URGCP: variants seen among roughly 807,000 people sequenced by gnomAD.
URGCP encodes the protein up-regulator of cell proliferation.
In URGCP, 13 loss-of-function variants were observed where a neutral mutation model predicts 24.6. That is an observed-to-expected ratio of 0.53 (90% CI 0.34 to 0.84). The LOEUF (loss-of-function observed/expected upper bound fraction) is 0.84. Among genes scored for constraint, URGCP ranks in the 40% least tolerant of loss-of-function variants. URGCP has a pLI of 0.01. For synonymous variants in URGCP, 444 were observed against 487.2 expected, an observed-to-expected ratio of 0.91 and a Z score of 1.17; for missense variants, 899 against 1,194.3, an observed-to-expected ratio of 0.75 and a Z score of 3.64.
At chr7:43,894,297 ACT>A (rs2095875222) in intron 1 of URGCP, among the ~76,000 whole-genome samples, 1 of 152,072 alleles carries the variant, frequency 6.6e-6, no homozygotes, top group Non-Finnish European at 1.5e-5. Context: ...CACACAGAAC[ACT>A]CTCCAGGATA....
At chr7:43,914,447 G>A (rs1478072838) in intron 1 of URGCP, among the ~76,000 whole-genome samples, 1 of 152,190 alleles carries the variant, frequency 6.6e-6, no homozygotes, top group Non-Finnish European at 1.5e-5. Context: ...GGAGGTTGCA[G>A]TGAGCCAAGA....
intron 5 of URGCP, 65 bp from the exon 6 acceptor site, chr7:43,879,325 C>G: frequency 6.6e-7 from 1 of 1,520,106 alleles, no homozygotes; most frequent in Non-Finnish European, 8.8e-7. Flanking sequence ...CAGGGAAGAG[C>G]TGGTGAAGGA....
At chr7:43,898,906 C>T (rs950201221) in intron 1 of URGCP, among the ~76,000 whole-genome samples, 21 of 147,188 alleles carry the variant, frequency 1.4e-4, no homozygotes, top group Non-Finnish European at 2.4e-4. Context: ...GAGGCCAAGG[C>T]AGGCAGATTA....
intron 1 of URGCP, among the ~76,000 whole-genome samples, chr7:43,916,413 G>T (rs1249539725): frequency 1.3e-5 from 2 of 152,130 alleles, no homozygotes; most frequent in African/African-American, 4.8e-5. Context: ...GCTTGGTAAG[G>T]AGTCCATGCA....
At chr7:43,922,425 G>A (rs139415746) in intron 1 of URGCP, among the ~76,000 whole-genome samples, 1 of 152,258 alleles carries the variant, frequency 6.6e-6, no homozygotes, top group East Asian at 1.9e-4. Context: ...TTTTATAGTC[G>A]CACCAGAATG....
intron 1 of URGCP, among the ~76,000 whole-genome samples, chr7:43,916,692 A>G (rs1183194218): frequency 1.4e-5 from 2 of 147,672 alleles, no homozygotes; most frequent in Non-Finnish European, 3.0e-5. Context: ...GTAAGAGCAG[A>G]TAATCCCACT....
chr7:43,912,140 A>C (rs1471146393), intron 1 of URGCP, among the ~76,000 whole-genome samples: 1 of 152,174 alleles, frequency 6.6e-6, no homozygotes, highest in Non-Finnish European at 1.5e-5. Context: ...CTATACCTTA[A>C]AGAAAAAGAA....
chr7:43,891,491 A>G (rs1250120425), intron 1 of URGCP, among the ~76,000 whole-genome samples: 3 of 152,168 alleles, frequency 2.0e-5, no homozygotes, highest in African/African-American at 7.2e-5. Flanking sequence ...CTCCTGCGTA[A>G]ATAAGTCACA....
chr7:43,905,561 A>AGGAGGCCTC lies in URGCP; in HGVS notation c.14+1000_14+1001insGAGGCCTCC, dbSNP rs1278597910. 3.8e-4 allele frequency: 58 copies of AGGAGGCCTC among 152,344 alleles called. 1 individual carries two copies. Among genetic ancestry groups the AGGAGGCCTC allele is most frequent in the African/African-American group, 1.1e-3 (45 of 41,512 alleles). The allele number at this position is 152,344 out of a possible 1,614,324, so 9.4% of individuals were successfully genotyped here. A position where few individuals can be genotyped will look rare whatever the true frequency, so the allele number is the denominator to read the frequency against. On this transcript the variant is annotated intron_variant, in intron 1 of 5. Coordinates refer to ENST00000453200, the MANE Select transcript of URGCP (RefSeq NM_001077663.3). ...CAGGCCTCATCTGGAGGAGGCACGA[A>AGGAGGCCTC]ATCCATGATCCCGGCCCCTTAGCAC...
At chr7:43,924,064 C>A (rs1215282419) in intron 1 of URGCP, among the ~76,000 whole-genome samples, 1 of 151,404 alleles carries the variant, frequency 6.6e-6, no homozygotes, top group Non-Finnish European at 1.5e-5. Context: ...GAGATGGGGT[C>A]TCACCATGTT....
chr7:43,895,428 T>C (rs1051015081), intron 1 of URGCP, among the ~76,000 whole-genome samples: 1 of 152,208 alleles, frequency 6.6e-6, no homozygotes, highest in Non-Finnish European at 1.5e-5. Flanking sequence ...ATAATCTCAG[T>C]ACTTCTGGAG....
At chr7:43,880,988 G>A in intron 5 of URGCP, 1 of 574,782 alleles carries the variant, frequency 1.7e-6, no homozygotes, top group Non-Finnish European at 3.1e-6. Context: ...CAGGCATTGT[G>A]GCCACAGGAC....
chr7:43,925,066 T>C (rs2095927384), intron 1 of URGCP, among the ~76,000 whole-genome samples: 1 of 152,116 alleles, frequency 6.6e-6, no homozygotes, highest in African/African-American at 2.4e-5. Flanking sequence ...CCGAGGATCC[T>C]GGATTTTGAA....
intron 1 of URGCP, among the ~76,000 whole-genome samples, chr7:43,890,898 G>C (rs1025665525): frequency 6.6e-6 from 1 of 152,268 alleles, no homozygotes; most frequent in Non-Finnish European, 1.5e-5. Flanking sequence ...CATTCTGGAG[G>C]CCATCTGTCT....
intron 1 of URGCP, among the ~76,000 whole-genome samples, chr7:43,894,146 A>G (rs1461757435): frequency 1.3e-5 from 2 of 152,166 alleles, no homozygotes; most frequent in Non-Finnish European, 2.9e-5. Flanking sequence ...AGAATTCAAT[A>G]CCCATTTTCA....
chr7:43,898,037 C>A (rs911155373), intron 1 of URGCP, among the ~76,000 whole-genome samples: 2 of 152,132 alleles, frequency 1.3e-5, no homozygotes, highest in African/African-American at 2.4e-5. Flanking sequence ...TAAGCCAGCA[C>A]GTGAGCTGGA....
In URGCP at chr7:43,881,431, AG is replaced by A. The variant is rs925937897; in HGVS notation, c.202+227del. Among the ~76,000 whole-genome samples, 30 of 138,244 alleles carry A rather than the reference AG, an allele frequency of 2.2e-4. No individual in the cohort carries two copies. The East Asian group carries it at 4.1e-3, about 19-fold the overall frequency. The allele number at this position is 138,244 out of a possible 152,430, so 90.7% of individuals were successfully genotyped here. A position where few individuals can be genotyped will look rare whatever the true frequency, so the allele number is the denominator to read the frequency against. On this transcript the variant is annotated intron_variant, in intron 5 of 5. Coordinates refer to ENST00000453200, the MANE Select transcript of URGCP (RefSeq NM_001077663.3). ...AGGCAGTGAGTATGTTGGGTGGTGG[AG>A]GGGGGGCCTGGTTACTCTATGTGGT...
chr7:43,922,210 C>T (rs1217744962), intron 1 of URGCP, among the ~76,000 whole-genome samples: 1 of 152,134 alleles, frequency 6.6e-6, no homozygotes, highest in Admixed American at 6.5e-5. Context: ...TACAGGTGTG[C>T]ACCATCACAC....
chr7:43,915,734 C>T (rs1481276578), intron 1 of URGCP, among the ~76,000 whole-genome samples: 5 of 152,192 alleles, frequency 3.3e-5, no homozygotes, highest in East Asian at 3.9e-4. Flanking sequence ...CTTGGCCAGG[C>T]GCAATGGCTC....
Sources: gnomAD v4.1 joint callset for allele counts (sites outside exome capture counted in the v4.1 genomes callset) on GRCh38, gnomAD v4.1.1 for gene constraint, MANE v1.5 for transcripts, NCBI Gene and HGNC (gene_info 2026-07-23, HGNC 2026-07-21) for gene names.